Variants in NTM observed in about 807,000 individuals in gnomAD.
The protein encoded by NTM is IgLON family member 2.
Under a neutral mutation model 42.1 loss-of-function variants are expected in NTM, and 13 were observed. The ratio of observed to expected loss-of-function variants is 0.31; its 90% CI spans 0.20 to 0.49. The LOEUF (loss-of-function observed/expected upper bound fraction) is 0.49. NTM is among the 20% of genes least tolerant of loss of function. The pLI is 0.99. For synonymous variants in NTM, 187 were observed against 179.2 expected, an observed-to-expected ratio of 1.04 and a Z score of -0.35; for missense variants, 373 against 452.8, an observed-to-expected ratio of 0.82 and a Z score of 1.60.
chr11:131,839,883 C>T (rs926024424), intron 1 of NTM, among the ~76,000 whole-genome samples: 1 of 152,142 alleles, frequency 6.6e-6, no homozygotes, highest in Admixed American at 6.5e-5. Flanking sequence ...AGATGTATTT[C>T]CAAGGTAGAG....
chr11:131,569,071 G>A (rs947249575), intron 1 of NTM, among the ~76,000 whole-genome samples: 6 of 151,888 alleles, frequency 4.0e-5, no homozygotes, highest in Admixed American at 1.3e-4. Context: ...ATCTACTCCT[G>A]AATCCTACCG....
At chr11:131,659,103 G>A (rs976407528) in intron 1 of NTM, among the ~76,000 whole-genome samples, 5 of 152,212 alleles carry the variant, frequency 3.3e-5, no homozygotes, top group Admixed American at 3.3e-4. Context: ...AGGGTCCAGA[G>A]CAGGGGAAAT....
At chr11:131,791,132 G>C (rs973990204) in intron 1 of NTM, among the ~76,000 whole-genome samples, 4 of 152,142 alleles carry the variant, frequency 2.6e-5, no homozygotes, top group African/African-American at 9.7e-5. Flanking sequence ...GTCTCTCCAA[G>C]TCCAATGATT....
intron 4 of NTM, among the ~76,000 whole-genome samples, chr11:132,219,997 G>A (rs1237298976): frequency 5.3e-5 from 8 of 152,174 alleles, no homozygotes; most frequent in Non-Finnish European, 2.9e-5. Context: ...TAACATAGGT[G>A]CTTGATTAAA....
chr11:131,707,807 A>C (rs1228653945), intron 1 of NTM, among the ~76,000 whole-genome samples: 1 of 152,158 alleles, frequency 6.6e-6, no homozygotes, highest in Non-Finnish European at 1.5e-5. Flanking sequence ...TCCATAGCTA[A>C]CATCATACTC....
intron 3 of NTM, among the ~76,000 whole-genome samples, chr11:132,199,151 G>A (rs918363974): frequency 1.3e-5 from 2 of 152,190 alleles, no homozygotes; most frequent in Non-Finnish European, 2.9e-5. Context: ...ATCATGTTAT[G>A]TGGACAGCTA....
chr11:131,580,853 T>C (rs769064706), intron 1 of NTM, among the ~76,000 whole-genome samples: 15 of 152,326 alleles, frequency 9.8e-5, no homozygotes, highest in African/African-American at 2.2e-4. Flanking sequence ...TGGGTTCTTG[T>C]AGCTGTCATG....
chr11:131,438,723 C>T (rs555202412), intron 1 of NTM, among the ~76,000 whole-genome samples: 4 of 152,218 alleles, frequency 2.6e-5, no homozygotes, highest in South Asian at 4.1e-4. Flanking sequence ...GTGATGGATT[C>T]GAACATCCTC....
chr11:132,126,063 G>A (rs2065789207), intron 2 of NTM, among the ~76,000 whole-genome samples: 2 of 152,056 alleles, frequency 1.3e-5, no homozygotes, highest in African/African-American at 4.8e-5. Context: ...GCGCCCCTGC[G>A]CGATGTGGGA....
rs117015827 is a variant in NTM, at chr11:132,250,884, G to A, written c.526+38737G>A. Among the ~76,000 whole-genome samples, 57 of 152,010 alleles carry A rather than the reference G, an allele frequency of 3.7e-4. No homozygotes were observed. In the East Asian group the frequency reaches 9.3e-3, roughly 25 times the overall value. Reference sequence around the variant, plus strand: ...ATGTTTCTGTTTTCTATTTTATGCTGTTCTCACTCTTAGTATCATGTTTTC... The same window carrying A: ...ATGTTTCTGTTTTCTATTTTATGCTATTCTCACTCTTAGTATCATGTTTTC... On this transcript the variant is annotated intron_variant, in intron 4 of 8. Coordinates refer to ENST00000683400, the MANE Select transcript of NTM (RefSeq NM_001352005.2).
chr11:131,966,977 G>A (rs944307564), intron 2 of NTM, among the ~76,000 whole-genome samples: 1 of 152,296 alleles, frequency 6.6e-6, no homozygotes, highest in Admixed American at 6.5e-5. Flanking sequence ...CATGTGGGAT[G>A]TGAGGGAAAG....
intron 1 of NTM, among the ~76,000 whole-genome samples, chr11:131,857,948 C>A (rs760934262): frequency 6.6e-6 from 1 of 152,056 alleles, no homozygotes; most frequent in Non-Finnish European, 1.5e-5. Context: ...CCTTTATTGT[C>A]TGGTTCCTGA....
intron 1 of NTM, among the ~76,000 whole-genome samples, chr11:131,788,820 T>C (rs2089690143): frequency 6.6e-6 from 1 of 152,316 alleles, no homozygotes; most frequent in Non-Finnish European, 1.5e-5. Flanking sequence ...TTAGACTTTT[T>C]TGGGGTCCAT....
At chr11:131,401,400 G>T (rs1254524396) in intron 1 of NTM, among the ~76,000 whole-genome samples, 1 of 152,020 alleles carries the variant, frequency 6.6e-6, no homozygotes, top group African/African-American at 2.4e-5. Context: ...TCCCTGATGG[G>T]CCCTCTACTG....
chr11:131,667,900 C>T (rs2134583285), intron 1 of NTM, among the ~76,000 whole-genome samples: 1 of 152,332 alleles, frequency 6.6e-6, no homozygotes, highest in East Asian at 1.9e-4. Flanking sequence ...TCTCTTCCCA[C>T]TGCTGGGTTT....
intron 4 of NTM, among the ~76,000 whole-genome samples, chr11:132,264,122 A>G (rs1315715752): frequency 6.6e-6 from 1 of 152,190 alleles, no homozygotes; most frequent in Non-Finnish European, 1.5e-5. Flanking sequence ...CTCACCAACA[A>G]ACAGAAATGT....
chr11:132,168,119 G>T (rs2075564379), intron 3 of NTM, among the ~76,000 whole-genome samples: 3 of 152,136 alleles, frequency 2.0e-5, no homozygotes, highest in Admixed American at 2.0e-4. Context: ...GGTGGCAATT[G>T]GCATTCCTAC....
At chr11:132,052,263 A>C (rs540853451) in intron 2 of NTM, among the ~76,000 whole-genome samples, 43 of 152,294 alleles carry the variant, frequency 2.8e-4, no homozygotes, top group African/African-American at 1.0e-3. Flanking sequence ...AACTGACATG[A>C]ATGCTAATTG....
rs927859596 is a variant in NTM at position 131,885,503 on chromosome 11, C to T, written c.83-26061C>T. Among the ~76,000 whole-genome samples, 10 of 152,102 alleles carry T rather than the reference C, an allele frequency of 6.6e-5. No homozygotes were observed. The East Asian group carries it at 1.7e-3, about 27-fold the overall frequency. ...TCATTATGAAATTAGATGAAAATCC[C>T]GATGCACAGGCTAATAGCATCCCAC... is the stretch of plus-strand genomic sequence containing the variant. On this transcript the variant is annotated intron_variant, in intron 1 of 8. Transcript: ENST00000683400.
Sources: allele counts gnomAD v4.1 joint callset (sites outside exome capture counted in the v4.1 genomes callset), GRCh38; gene constraint gnomAD v4.1.1; transcripts MANE v1.5; gene names NCBI Gene and HGNC (gene_info 2026-07-23, HGNC 2026-07-21).